Variants in PCDHAC1 observed in about 807,000 individuals in gnomAD.
PCDHAC1 encodes the protein protocadherin alpha subfamily C, 1, also known as protocadherin alpha-C1.
In PCDHAC1, 42 loss-of-function variants were observed where a neutral mutation model predicts 60.0. The observed-to-expected ratio is 0.70, with a 90% confidence interval of 0.55 to 0.90. PCDHAC1 has a LOEUF of 0.90. PCDHAC1 is among the 40% of genes least tolerant of loss of function. The pLI is 0.00. For missense variants in PCDHAC1, 1,160 were observed against 1,222.3 expected (o/e 0.95, Z 0.76); for synonymous variants, 468 against 499.3 (o/e 0.94, Z 0.84).
chr5:140,992,377 A>T (rs1258714441), intron 3 of PCDHAC1, among the ~76,000 whole-genome samples: 1 of 152,150 alleles, frequency 6.6e-6, no homozygotes, highest in African/African-American at 2.4e-5. Flanking sequence ...CCATTACATT[A>T]TTGTGTTCTG....
At chr5:140,966,825 T>C in intron 1 of PCDHAC1, 3 of 1,560,026 alleles carry the variant, frequency 1.9e-6, no homozygotes, top group Non-Finnish European at 2.6e-6. Flanking sequence ...CGGCGGCCCA[T>C]GCCCTGGCTG....
At chr5:140,986,393 C>T (rs1554248003) in intron 3 of PCDHAC1, among the ~76,000 whole-genome samples, 1 of 152,148 alleles carries the variant, frequency 6.6e-6, no homozygotes, top group Non-Finnish European at 1.5e-5. Context: ...ATTAAAGGGC[C>T]AGTCGCTCAT....
chr5:140,957,827 T>C (rs2095387768), intron 1 of PCDHAC1, among the ~76,000 whole-genome samples: 1 of 150,810 alleles, frequency 6.6e-6, no homozygotes, highest in Admixed American at 6.7e-5. Flanking sequence ...TAAGAGAAAG[T>C]GTTAATTGAT....
intron 1 of PCDHAC1, among the ~76,000 whole-genome samples, chr5:140,936,457 TG>T (rs782214118): frequency 2.2e-4 from 34 of 152,232 alleles, no homozygotes; most frequent in Non-Finnish European, 4.6e-4. Flanking sequence ...ATCTGTTTAG[TG>T]GTTGCTGTAG....
chr5:140,998,908 G>A (rs1203319313), intron 3 of PCDHAC1, among the ~76,000 whole-genome samples: 2 of 152,162 alleles, frequency 1.3e-5, no homozygotes, highest in East Asian at 1.9e-4. Context: ...CCTCCGGGAG[G>A]TAGCTATTAT....
intron 3 of PCDHAC1, among the ~76,000 whole-genome samples, chr5:140,987,370 A>G (rs183202119): frequency 5.2e-4 from 79 of 152,328 alleles, no homozygotes; most frequent in East Asian, 3.9e-4. Context: ...TTATATCATT[A>G]CAGGGTCAGA....
At position 141,009,895 on chromosome 5, in the gene PCDHAC1, A is replaced by G; in HGVS notation, c.2850A>G (p.Lys950=). ...AGAAGGGTAACAAGACCCAGGAGAA[A>G]AAAGAGAAAGGGAACAGCACGACTG... ...KKKKGNKTQE[K]KEKGNSTTDN... The change falls in exon 4 of 4, where the codon AAA becomes AAG. Residue 950 remains lysine (K), a synonymous_variant. Coordinates refer to ENST00000253807, the MANE Select transcript of PCDHAC1 (RefSeq NM_018898.5). 2 of 1,613,224 alleles carry G rather than the reference A, an allele frequency of 1.2e-6. No homozygotes were observed. Among genetic ancestry groups the G allele is most frequent in the Non-Finnish European group, 1.7e-6 (2 of 1,179,866 alleles).
At chr5:141,009,173 G>A (rs1486905042) in intron 3 of PCDHAC1, among the ~76,000 whole-genome samples, 3 of 152,204 alleles carry the variant, frequency 2.0e-5, no homozygotes, top group African/African-American at 7.2e-5. Flanking sequence ...TACTGGCCTT[G>A]GCTGGGTGTG....
intron 3 of PCDHAC1, among the ~76,000 whole-genome samples, chr5:140,983,182 C>T (rs782457174): frequency 6.6e-6 from 1 of 152,188 alleles, no homozygotes; most frequent in Non-Finnish European, 1.5e-5. Flanking sequence ...CTCACAATTT[C>T]TTAGTTTAGA....
intron 3 of PCDHAC1, among the ~76,000 whole-genome samples, chr5:140,995,316 A>G (rs2097676169): frequency 1.3e-5 from 2 of 152,222 alleles, no homozygotes; most frequent in South Asian, 4.1e-4. Context: ...TTCTAAGTGA[A>G]CTAACAGGTG....
intron 1 of PCDHAC1, among the ~76,000 whole-genome samples, chr5:140,942,587 CAT>C (rs2093330311): frequency 6.7e-6 from 1 of 148,732 alleles, no homozygotes; most frequent in East Asian, 2.0e-4. Flanking sequence ...TAGGATGTCA[CAT>C]ATAATTATAG....
At chr5:141,002,956 G>C (rs782632089) in intron 3 of PCDHAC1, among the ~76,000 whole-genome samples, 6 of 152,230 alleles carry the variant, frequency 3.9e-5, no homozygotes, top group Non-Finnish European at 7.3e-5. Context: ...GCCCCTCTGA[G>C]AGCTTTCCTG....
chr5:140,939,993 G>A (rs889924458), intron 1 of PCDHAC1, among the ~76,000 whole-genome samples: 3 of 151,902 alleles, frequency 2.0e-5, no homozygotes, highest in African/African-American at 7.3e-5. Context: ...GTTTCTCCTT[G>A]GATTTTGTCA....
chr5:140,969,049 C>A, intron 1 of PCDHAC1: 1 of 1,614,142 alleles, frequency 6.2e-7, no homozygotes, highest in Non-Finnish European at 8.5e-7. Context: ...AACAAGCCAA[C>A]AACAATATTG....
chr5:140,956,433 C>T (rs1260145380), intron 1 of PCDHAC1, among the ~76,000 whole-genome samples: 6 of 152,098 alleles, frequency 3.9e-5, no homozygotes, highest in African/African-American at 1.4e-4. Context: ...TTTAGTTCTG[C>T]TTATGTGATG....
intron 3 of PCDHAC1, among the ~76,000 whole-genome samples, chr5:140,984,330 A>C (rs2097097334): frequency 6.6e-6 from 1 of 152,204 alleles, no homozygotes; most frequent in Admixed American, 6.5e-5. Context: ...CAAATGTGGA[A>C]TAGGAACCAT....
chr5:140,978,842 T>A, intron 1 of PCDHAC1, 107 bp from the exon 2 acceptor site: 1 of 1,564,670 alleles, frequency 6.4e-7, no homozygotes, highest in East Asian at 2.3e-5. Flanking sequence ...TTCAATACTT[T>A]TTTAGATGCC....
intron 1 of PCDHAC1, chr5:140,966,548 A>G (rs2096020413): frequency 2.1e-6 from 1 of 465,426 alleles, no homozygotes; most frequent in Admixed American, 4.3e-5. Flanking sequence ...CTCGGAGGCG[A>G]GCGGAGGAGC....
chr5:140,927,305 C>A lies in PCDHAC1; in HGVS notation c.413C>A (p.Thr138Lys). The A allele has an allele frequency of 6.2e-7, 1 of 1,614,190 alleles. No individual in the cohort carries two copies. Among genetic ancestry groups the A allele is most frequent in the African/African-American group, 1.3e-5 (1 of 75,054 alleles). ...CAGCTGCACATCCCCGAGTTCCTGA[C>A]GCCCGGAGCCCGCTTTACTCTCCCG... ...DVQLHIPEFL[T>K]PGARFTLPNA... The change falls in exon 1 of 4, where the codon ACG becomes AAG. Residue 138 changes from threonine (T) to lysine (K), a missense_variant. Physicochemically the swap from Thr to Lys is moderately conservative, Grantham distance 78 (BLOSUM62 -1). Transcript: ENST00000253807.
Sources: allele counts gnomAD v4.1 joint callset (sites outside exome capture counted in the v4.1 genomes callset), GRCh38; gene constraint gnomAD v4.1.1; transcripts MANE v1.5; gene names NCBI Gene and HGNC (gene_info 2026-07-23, HGNC 2026-07-21).